Variants in CSMD1 observed in about 807,000 individuals in gnomAD.
CSMD1 encodes CUB and sushi domain-containing protein 1.
CSMD1 carries 213 observed loss-of-function variants against 417.5 expected under a neutral mutation model. The observed-to-expected ratio is 0.51, with a 90% confidence interval of 0.46 to 0.57. The LOEUF is 0.57. Among genes scored for constraint, CSMD1 ranks in the 20% least tolerant of loss-of-function variants. The pLI, the probability that CSMD1 is intolerant of heterozygous loss-of-function variation, is 0.00. For missense variants in CSMD1, 6,923 were observed against 4,529.7 expected, an observed-to-expected ratio of 1.53 and a Z score of -15.17; for synonymous variants, 2,862 against 1,736.8, an observed-to-expected ratio of 1.65 and a Z score of -16.11.
At chr8:4,204,131 G>C (rs1178819428) in intron 3 of CSMD1, among the ~76,000 whole-genome samples, 1 of 152,122 alleles carries the variant, frequency 6.6e-6, no homozygotes, top group Non-Finnish European at 1.5e-5. Flanking sequence ...AAACTTAAAG[G>C]ATCTGTCAGT....
chr8:4,619,276 A>G (rs1005255651), intron 2 of CSMD1, among the ~76,000 whole-genome samples: 5 of 152,182 alleles, frequency 3.3e-5, no homozygotes, highest in African/African-American at 7.2e-5. Flanking sequence ...GCTGTTAAAT[A>G]AATGCATGTA....
intron 3 of CSMD1, among the ~76,000 whole-genome samples, chr8:4,202,150 G>C (rs1296137225): frequency 2.0e-5 from 3 of 151,860 alleles, no homozygotes; most frequent in Non-Finnish European, 2.9e-5. Context: ...GCCATTTCTA[G>C]GACGGGTGGG....
intron 5 of CSMD1, among the ~76,000 whole-genome samples, chr8:3,841,813 G>C (rs527932102): frequency 2.6e-5 from 4 of 151,584 alleles, no homozygotes; most frequent in African/African-American, 9.7e-5. Context: ...CCCATGATCT[G>C]TGTTCAAAGC....
At chr8:3,276,768 T>C (rs1288228529) in intron 26 of CSMD1, among the ~76,000 whole-genome samples, 1 of 152,216 alleles carries the variant, frequency 6.6e-6, no homozygotes, top group African/African-American at 2.4e-5. Context: ...GTATTCATTA[T>C]GCAAAGTCAT....
chr8:4,259,584 G>A (rs1014150101), intron 3 of CSMD1, among the ~76,000 whole-genome samples: 4 of 151,534 alleles, frequency 2.6e-5, no homozygotes, highest in East Asian at 1.9e-4. Flanking sequence ...ACCGATCAAC[G>A]ATTGTTTTAA....
intron 12 of CSMD1, among the ~76,000 whole-genome samples, chr8:3,451,365 G>A (rs150075455): frequency 2.0e-5 from 3 of 152,132 alleles, no homozygotes; most frequent in Non-Finnish European, 2.9e-5. Flanking sequence ...ATTGCTTTTG[G>A]TGTTTTAGAC....
intron 20 of CSMD1, among the ~76,000 whole-genome samples, chr8:3,364,823 T>G (rs2117743701): frequency 6.6e-6 from 1 of 152,298 alleles, no homozygotes; most frequent in South Asian, 2.1e-4. Flanking sequence ...TATTTATAAA[T>G]TATCTAGTCT....
intron 18 of CSMD1, among the ~76,000 whole-genome samples, chr8:3,370,633 A>G (rs116102520): frequency 0.012 from 1,792 of 152,296 alleles, 29 homozygotes; most frequent in African/African-American, 0.038. Flanking sequence ...GCTTTCACCA[A>G]TGTGAACTGG....
At position 3,979,494 on chromosome 8, in the gene CSMD1, C is replaced by T. The variant is rs544716456; in HGVS notation, c.818+18409G>A. Reference sequence around the variant, plus strand: ...GTCTTTGGCTTAGAATGTTGTGTCACTCCAAAATTCATATACAGAAGCTGT... The same window carrying T: ...GTCTTTGGCTTAGAATGTTGTGTCATTCCAAAATTCATATACAGAAGCTGT... On this transcript the variant is annotated intron_variant, in intron 5 of 69. Transcript: ENST00000635120. 3.9e-5 allele frequency among the ~76,000 whole-genome samples: 6 copies of T among 152,282 alleles called. No homozygotes were observed. The South Asian group carries it at 6.2e-4, about 16-fold the overall frequency.
intron 3 of CSMD1, among the ~76,000 whole-genome samples, chr8:4,402,416 C>T (rs988318603): frequency 2.0e-5 from 3 of 152,090 alleles, no homozygotes; most frequent in Admixed American, 6.5e-5. Flanking sequence ...ATTACTGCTG[C>T]GTTCCTGCAG....
At chr8:4,039,525 G>A (rs927722091) in intron 3 of CSMD1, among the ~76,000 whole-genome samples, 2 of 152,110 alleles carry the variant, frequency 1.3e-5, no homozygotes, top group Non-Finnish European at 2.9e-5. Flanking sequence ...TGCTGACAAA[G>A]CATTTATGAC....
intron 43 of CSMD1, among the ~76,000 whole-genome samples, chr8:3,109,111 A>T (rs67705201): frequency 0.16 from 24,408 of 152,008 alleles, 2,107 homozygotes; most frequent in African/African-American, 0.19. Context: ...CTAAAATTAC[A>T]AAAATTAGCT....
chr8:3,232,423 C>A (rs901163004), intron 26 of CSMD1, among the ~76,000 whole-genome samples: 1 of 152,180 alleles, frequency 6.6e-6, no homozygotes, highest in Admixed American at 6.5e-5. Flanking sequence ...ATGCTCTGGT[C>A]TACTCATTTT....
chr8:4,366,057 C>G (rs933264792), intron 3 of CSMD1, among the ~76,000 whole-genome samples: 16 of 152,084 alleles, frequency 1.1e-4, no homozygotes, highest in African/African-American at 2.7e-4. Context: ...TGACAGATAG[C>G]CTTCCAATCC....
intron 5 of CSMD1, among the ~76,000 whole-genome samples, chr8:3,846,398 GATAAAC>G (rs1803504988): frequency 6.6e-6 from 1 of 152,108 alleles, no homozygotes; most frequent in Non-Finnish European, 1.5e-5. Context: ...ATGTGAAATA[GATAAAC>G]ATATGTAAGT....
intron 3 of CSMD1, among the ~76,000 whole-genome samples, chr8:4,186,115 G>C (rs971032171): frequency 6.6e-6 from 1 of 152,128 alleles, no homozygotes; most frequent in Non-Finnish European, 1.5e-5. Context: ...GGCCATGCCA[G>C]GCTGTCACCA....
In CSMD1 at chr8:3,886,312, G is replaced by C. The variant is rs539096003; in HGVS notation, c.818+111591C>G. 2.6e-5 allele frequency among the ~76,000 whole-genome samples: 4 copies of C among 152,294 alleles called. No homozygotes were observed. The South Asian group carries it at 6.2e-4, about 24-fold the overall frequency. On this transcript the variant is annotated intron_variant, in intron 5 of 69. Coordinates refer to ENST00000635120, the MANE Select transcript of CSMD1 (RefSeq NM_033225.6). ...AATCCGACTGCCTCAGCCTCTCAAAGTGCTGGGATTACAGGCGTGGGCCAC... is the reference window on the plus strand; with the variant it reads ...AATCCGACTGCCTCAGCCTCTCAAACTGCTGGGATTACAGGCGTGGGCCAC...
At chr8:3,185,320 T>G (rs899688871) in intron 36 of CSMD1, among the ~76,000 whole-genome samples, 9 of 152,210 alleles carry the variant, frequency 5.9e-5, no homozygotes, top group Non-Finnish European at 2.9e-5. Flanking sequence ...AAAAGGAGAT[T>G]GTTGTTATTT....
chr8:4,358,801 A>C (rs1036379933), intron 3 of CSMD1, among the ~76,000 whole-genome samples: 2 of 152,200 alleles, frequency 1.3e-5, no homozygotes, highest in Non-Finnish European at 2.9e-5. Context: ...AGGCAAGGGT[A>C]AACAAGTTAT....
Sources: allele counts gnomAD v4.1 joint callset (sites outside exome capture counted in the v4.1 genomes callset), GRCh38; gene constraint gnomAD v4.1.1; transcripts MANE v1.5; gene names NCBI Gene and HGNC (gene_info 2026-07-23, HGNC 2026-07-21).